The following PRPF38B variants were observed in gnomAD, a reference collection of about 807,000 sequenced individuals.
PRPF38B encodes pre-mRNA processing factor 38B, also known as pre-mRNA-splicing factor 38B.
In PRPF38B, 18 loss-of-function variants were observed where a neutral mutation model predicts 67.2. That is an observed-to-expected ratio of 0.27 (90% CI 0.19 to 0.40). The LOEUF (loss-of-function observed/expected upper bound fraction) is 0.40. Ranked by LOEUF, PRPF38B falls within the 10% of genes least tolerant of loss-of-function variation. The probability of loss-of-function intolerance (pLI) is 1.00; values close to 1 mark genes in which losing one functional copy is unlikely to be tolerated. For synonymous variants in PRPF38B, 246 were observed against 234.2 expected, an observed-to-expected ratio of 1.05 and a Z score of -0.46; for missense variants, 544 against 684.9, an observed-to-expected ratio of 0.79 and a Z score of 2.30.
In PRPF38B at chr1:108,699,572, T is replaced by C; in HGVS notation, c.1193T>C (p.Val398Ala). The change falls in exon 6 of 6, where the codon GTA (valine) becomes GCA (alanine). Residue 398 changes from valine to alanine, a missense_variant. Physicochemically the swap from Val to Ala is moderately conservative, Grantham distance 64. Coordinates refer to ENST00000370025, the MANE Select transcript of PRPF38B (RefSeq NM_018061.4). ...RSKEQRSRGE[V>A]EEKKHKEDKD... is the part of the protein sequence containing the mutation. ...AAGGAACAGAGAAGTAGGGGAGAGG[T>C]AGAAGAGAAGAAACATAAAGAAGAC... The C allele has an allele frequency of 6.5e-7, 1 of 1,546,392 alleles. No individual in the cohort carries two copies. The highest frequency in any genetic ancestry group is 8.7e-7 in the Non-Finnish European group (1 of 1,145,216).
chr1:108,696,690 A>G (rs1238608209), intron 4 of PRPF38B: 5 of 714,920 alleles, frequency 7.0e-6, no homozygotes, highest in Non-Finnish European at 1.3e-5. Context: ...AATAAAAGAT[A>G]TGCACATAGA....
chr1:108,697,124 T>C (rs1557766274), intron 4 of PRPF38B: 1 of 177,092 alleles, frequency 5.6e-6, no homozygotes, highest in East Asian at 1.4e-4. Flanking sequence ...TGCATCTTAG[T>C]CCCACCTACT....
At chr1:108,694,206 C>T (rs928677117) in intron 1 of PRPF38B, among the ~76,000 whole-genome samples, 2 of 152,122 alleles carry the variant, frequency 1.3e-5, no homozygotes, top group African/African-American at 4.8e-5. Flanking sequence ...AAAGGTAAGA[C>T]CTTTTTAGCA....
rs146937332 is a variant in PRPF38B at position 108,701,901 on chromosome 1, T to A, written c.*1881T>A. 2.6e-5 allele frequency: 4 copies of A among 152,322 alleles called. No individual in the cohort carries two copies. In the East Asian group the frequency reaches 7.7e-4, roughly 29 times the overall value. The allele number at this position is 152,322 out of a possible 1,614,324, so 9.4% of individuals were successfully genotyped here. The stretch of plus-strand genomic sequence containing the variant: ...GACACCCAGAAGTTAGAAAAACCTA[T>A]TGTATAATATGAAAGCCACTAAATT... On this transcript the variant is annotated 3_prime_UTR_variant, in exon 6 of 6. Transcript: ENST00000370025.
intron 1 of PRPF38B, among the ~76,000 whole-genome samples, chr1:108,695,307 T>C (rs1659763585): frequency 6.6e-6 from 1 of 151,194 alleles, no homozygotes; most frequent in Non-Finnish European, 1.5e-5. Flanking sequence ...CTTAAATCCA[T>C]TTTTAAAGGA....
At chr1:108,694,240 T>C (rs750125076) in intron 1 of PRPF38B, among the ~76,000 whole-genome samples, 1 of 152,220 alleles carries the variant, frequency 6.6e-6, no homozygotes, top group Non-Finnish European at 1.5e-5. Context: ...GTGAATAACA[T>C]TTAATCCTTA....
Position 108,702,385 on chromosome 1 carries a change from A to C in PRPF38B, c.*2365A>C, listed in dbSNP as rs759762650. Reference sequence around the variant, plus strand: ...GTGATCCACCCACCTCAGCCTCCCAAAGCGCTGTGATTACAGGTGTGAGCC... The same window carrying C: ...GTGATCCACCCACCTCAGCCTCCCACAGCGCTGTGATTACAGGTGTGAGCC... On this transcript the variant is annotated 3_prime_UTR_variant, in exon 6 of 6. Coordinates refer to ENST00000370025, the MANE Select transcript of PRPF38B (RefSeq NM_018061.4). Among the ~76,000 whole-genome samples the C allele has an allele frequency of 1.3e-5, 2 of 152,112 alleles. No homozygotes were observed. Among genetic ancestry groups the C allele is most frequent in the Non-Finnish European group, 2.9e-5 (2 of 68,032 alleles).
Position 108,702,016 on chromosome 1 carries a change from A to G in PRPF38B, c.*1996A>G, listed in dbSNP as rs137871419. ...TCCATGTGAAATGTTTTATCTGACTATTTTAAGTAAAATGTGGAAAGAATT... is the reference window on the plus strand; with the variant it reads ...TCCATGTGAAATGTTTTATCTGACTGTTTTAAGTAAAATGTGGAAAGAATT... On this transcript the variant is annotated 3_prime_UTR_variant, in exon 6 of 6. Transcript: ENST00000370025. 2.3e-3 allele frequency among the ~76,000 whole-genome samples: 344 copies of G among 152,360 alleles called. 1 individual carries two copies. Among genetic ancestry groups the G allele is most frequent in the African/African-American group, 8.0e-3 (332 of 41,578 alleles).
intron 4 of PRPF38B, chr1:108,696,911 AAG>A (rs1014045460): frequency 1.9e-6 from 1 of 538,162 alleles, no homozygotes; most frequent in Admixed American, 3.6e-5. Context: ...ACCTTTAAAA[AAG>A]AAATTTTTTA....
intron 1 of PRPF38B, chr1:108,693,657 T>A: frequency 1.0e-6 from 1 of 968,016 alleles, no homozygotes; most frequent in Non-Finnish European, 1.2e-6. Context: ...GCACTATTAA[T>A]CATGCTCAAT....
Position 108,701,869 on chromosome 1 carries a change from T to C in PRPF38B, c.*1849T>C, listed in dbSNP as rs1309653984. ...TTAAATTGAGCATCAAGTGAATTAG[T>C]GCTATAGACACCCAGAAGTTAGAAA... On this transcript the variant is annotated 3_prime_UTR_variant, in exon 6 of 6. Transcript: ENST00000370025. The C allele has an allele frequency of 2.0e-5, 3 of 152,200 alleles. No individual in the cohort carries two copies. The highest frequency in any genetic ancestry group is 4.4e-5 in the Non-Finnish European group (3 of 68,038). The allele number at this position is 152,200 out of a possible 1,614,324, so 9.4% of individuals were successfully genotyped here. A position where few individuals can be genotyped will look rare whatever the true frequency, so the allele number is the denominator to read the frequency against.
At position 108,701,066 on chromosome 1, in the gene PRPF38B, T is replaced by G. The variant is rs927889720; in HGVS notation, c.*1046T>G. The G allele has an allele frequency of 6.5e-6, 1 of 152,682 alleles. No homozygotes were observed. The highest frequency in any genetic ancestry group is 2.1e-4 in the South Asian group (1 of 4,838). The allele number at this position is 152,682 out of a possible 1,614,324, so 9.5% of individuals were successfully genotyped here. A position where few individuals can be genotyped will look rare whatever the true frequency, so the allele number is the denominator to read the frequency against. On this transcript the variant is annotated 3_prime_UTR_variant, in exon 6 of 6. Transcript: ENST00000370025. ...ATCTAGAACAGAGGAGTATTAAAAGTAATGCTGTGCTGCATTATTTAAGAC... is the reference window on the plus strand; with the variant it reads ...ATCTAGAACAGAGGAGTATTAAAAGGAATGCTGTGCTGCATTATTTAAGAC...
chr1:108,692,819 C>G lies in PRPF38B; in HGVS notation c.228C>G (p.Leu76=), dbSNP rs775508848. 1 of 1,614,206 alleles carries G rather than the reference C, an allele frequency of 6.2e-7. No individual in the cohort carries two copies. Among genetic ancestry groups the G allele is most frequent in the Non-Finnish European group, 8.5e-7 (1 of 1,180,042 alleles). ...ILSSPYFKVQ[L]YELKTYHEVV... is the part of the protein sequence containing the mutation. Reference sequence around the variant, plus strand: ...CGTCGCCTTACTTCAAAGTACAGCTCTACGAGCTCAAGACCTACCACGAGG... The same window carrying G: ...CGTCGCCTTACTTCAAAGTACAGCTGTACGAGCTCAAGACCTACCACGAGG... The change falls in exon 1 of 6, where the codon CTC becomes CTG. Residue 76 remains leucine (L), a synonymous_variant. Transcript: ENST00000370025.
chr1:108,694,079 A>G (rs1659614678), intron 1 of PRPF38B, among the ~76,000 whole-genome samples: 1 of 152,248 alleles, frequency 6.6e-6, no homozygotes. Flanking sequence ...CTTTTTATAG[A>G]AAACATCTCT....
chr1:108,698,409 G>A, intron 4 of PRPF38B, 195 bp from the exon 5 acceptor site: 1 of 484,984 alleles, frequency 2.1e-6, no homozygotes, highest in Non-Finnish European at 3.6e-6. Context: ...AGGCTGCAGG[G>A]TTTGTTCTCA....
chr1:108,693,775 C>T (rs1659569344), intron 1 of PRPF38B: 1 of 282,778 alleles, frequency 3.5e-6, no homozygotes, highest in Non-Finnish European at 5.3e-6. Flanking sequence ...TTTTCCACTT[C>T]CCTGCAAATT....
intron 4 of PRPF38B, chr1:108,698,328 G>C (rs937282167): frequency 1.8e-5 from 6 of 325,488 alleles, no homozygotes; most frequent in Non-Finnish European, 1.7e-5. Flanking sequence ...CAATCGTTCC[G>C]CATAGTTTAG....
rs762660985 is a variant in PRPF38B, at chr1:108,698,657, A to G, written c.612A>G (p.Leu204=). ...GGCVMTIGEM[L]RSFLTKLEWF... The stretch of plus-strand genomic sequence containing the variant: ...GTGTAATGACCATTGGAGAAATGCT[A>G]CGATCTTTTCTCACAAAACTGGAGT... The change falls in exon 5 of 6, where the codon CTA becomes CTG. Residue 204 remains leucine, a synonymous_variant. Transcript: ENST00000370025. 7 of 1,614,100 alleles carry G rather than the reference A, an allele frequency of 4.3e-6. No individual in the cohort carries two copies. Among genetic ancestry groups the G allele is most frequent in the Non-Finnish European group, 4.2e-6 (5 of 1,179,986 alleles).
intron 4 of PRPF38B, 98 bp downstream of exon 4, chr1:108,696,435 G>A: frequency 9.1e-7 from 1 of 1,098,912 alleles, no homozygotes; most frequent in Non-Finnish European, 1.3e-6. Flanking sequence ...AGAACTTCCT[G>A]TAGTTAAATT....
Sources: gnomAD v4.1 joint callset for allele counts (sites outside exome capture counted in the v4.1 genomes callset) on GRCh38, gnomAD v4.1.1 for gene constraint, MANE v1.5 for transcripts, NCBI Gene and HGNC (gene_info 2026-07-23, HGNC 2026-07-21) for gene names.